Variants in ANKS1B observed in about 807,000 individuals in gnomAD.
The protein encoded by ANKS1B is ankyrin repeat and sterile alpha motif domain-containing protein 1B.
A neutral mutation model predicts 148.3 loss-of-function variants in ANKS1B; 36 were observed. That is an observed-to-expected ratio of 0.24 (90% CI 0.19 to 0.32). The LOEUF is 0.32. Ranked by LOEUF, ANKS1B falls within the 10% of genes least tolerant of loss-of-function variation. The pLI is 1.00. For synonymous variants in ANKS1B, 542 were observed against 560.8 expected, an observed-to-expected ratio of 0.97 and a Z score of 0.47; for missense variants, 1,157 against 1,542.6, an observed-to-expected ratio of 0.75 and a Z score of 4.19.
intron 25 of ANKS1B, among the ~76,000 whole-genome samples, chr12:98,754,832 T>C (rs572614513): frequency 6.6e-6 from 1 of 152,356 alleles, no homozygotes; most frequent in South Asian, 2.1e-4. Flanking sequence ...AGGAAACTGC[T>C]CAAATAAGAC....
chr12:99,741,798 G>A (rs1403661082), intron 8 of ANKS1B, among the ~76,000 whole-genome samples: 1 of 151,990 alleles, frequency 6.6e-6, no homozygotes, highest in African/African-American at 2.4e-5. Context: ...ATGTAGATGA[G>A]AGATTGATGG....
chr12:98,829,091 C>A lies in ANKS1B; in HGVS notation c.3066+83G>T. ...ATTCTAGTTAGGCACGGACAATAAGCATCCATAGGAAGCTACTGTTCACTA... is the reference window on the plus strand; with the variant it reads ...ATTCTAGTTAGGCACGGACAATAAGAATCCATAGGAAGCTACTGTTCACTA... On this transcript the variant is annotated intron_variant, in intron 19 of 26. Coordinates refer to ENST00000683438, the MANE Select transcript of ANKS1B (RefSeq NM_001352186.2). This position sits in a 1 kb window ranked among gnomAD's most constrained non-coding sequence, Gnocchi z 5.2. The A allele has an allele frequency of 5.4e-6, 8 of 1,478,998 alleles. No homozygotes were observed. Among genetic ancestry groups the A allele is most frequent in the Non-Finnish European group, 7.5e-6 (8 of 1,067,246 alleles). The allele number at this position is 1,478,998 out of a possible 1,614,324, so 91.6% of individuals were successfully genotyped here. A position where few individuals can be genotyped will look rare whatever the true frequency, so the allele number is the denominator to read the frequency against.
chr12:99,309,597 A>T (rs2154025054), intron 12 of ANKS1B, among the ~76,000 whole-genome samples: 1 of 152,226 alleles, frequency 6.6e-6, no homozygotes, highest in South Asian at 2.1e-4. Context: ...TTAGATAAAC[A>T]CACATACATC....
In ANKS1B at chr12:98,895,095, G is replaced by C. The variant is rs1020254982; in HGVS notation, c.2779-62959C>G. The C allele has an allele frequency of 5.9e-4, 582 of 980,984 alleles. 5 individuals are homozygous for C. The highest frequency in any genetic ancestry group is 5.2e-4 in the Middle Eastern group (1 of 1,926). 60.8% of individuals were successfully genotyped at this position (980,984 alleles called of 1,614,324 possible). On this transcript the variant is annotated intron_variant, in intron 17 of 26. Coordinates refer to ENST00000683438, the MANE Select transcript of ANKS1B (RefSeq NM_001352186.2). Reference sequence around the variant, plus strand: ...GCTGCCCGGGGTGGGCGGCGAGGCGGGGGGGAGGTGTCGGCTTGGCCGCCG... The same window carrying C: ...GCTGCCCGGGGTGGGCGGCGAGGCGCGGGGGAGGTGTCGGCTTGGCCGCCG...
At chr12:98,811,958 A>T (rs990727038) in intron 19 of ANKS1B, among the ~76,000 whole-genome samples, 1 of 152,328 alleles carries the variant, frequency 6.6e-6, no homozygotes, top group East Asian at 1.9e-4. Flanking sequence ...TCATTAAAAA[A>T]AATCATATAA....
chr12:98,914,824 C>T (rs2099791964), intron 17 of ANKS1B, among the ~76,000 whole-genome samples: 1 of 152,162 alleles, frequency 6.6e-6, no homozygotes, highest in Non-Finnish European at 1.5e-5. Flanking sequence ...TGAAGCTTTC[C>T]TTGACCACTC....
intron 14 of ANKS1B, among the ~76,000 whole-genome samples, chr12:99,226,808 T>TA (rs762374124): frequency 3.3e-5 from 5 of 152,168 alleles, no homozygotes; most frequent in Non-Finnish European, 7.3e-5. Flanking sequence ...CGGTGAGACG[T>TA]AAAAAAACTA....
chr12:98,832,228 C>G, intron 17 of ANKS1B, 92 bp from the exon 18 acceptor site: 1 of 997,046 alleles, frequency 1.0e-6, no homozygotes, highest in Non-Finnish European at 1.5e-6. Context: ...AAGATTTGTG[C>G]AAAGTTACTC....
chr12:99,817,098 T>C (rs191969073), intron 2 of ANKS1B, among the ~76,000 whole-genome samples: 1 of 151,764 alleles, frequency 6.6e-6, no homozygotes, highest in Admixed American at 6.6e-5. Context: ...CAGTCTACTG[T>C]ACTATCAAAC....
chr12:99,481,194 C>A (rs1314548038), intron 10 of ANKS1B, among the ~76,000 whole-genome samples: 1 of 151,648 alleles, frequency 6.6e-6, no homozygotes. Context: ...CTCTCACCCT[C>A]CTGCTTCTGA....
intron 3 of ANKS1B, among the ~76,000 whole-genome samples, 179 bp downstream of exon 3, chr12:99,811,976 A>G (rs1015226562): frequency 6.6e-6 from 1 of 151,904 alleles, no homozygotes; most frequent in Non-Finnish European, 1.5e-5. Flanking sequence ...CAAATGCCCA[A>G]CTTAGTCCCT....
intron 8 of ANKS1B, among the ~76,000 whole-genome samples, chr12:99,714,136 G>A (rs1039197337): frequency 2.6e-5 from 4 of 152,138 alleles, no homozygotes; most frequent in African/African-American, 7.2e-5. Context: ...TCAAAAGGCC[G>A]CCCGCATTCC....
chr12:99,271,359 T>C (rs1047141975), intron 12 of ANKS1B, among the ~76,000 whole-genome samples: 3 of 152,168 alleles, frequency 2.0e-5, no homozygotes, highest in African/African-American at 7.2e-5. Flanking sequence ...GGTTAGGTAC[T>C]ACTTCTTTGT....
chr12:99,426,404 ATTATC>A (rs1461261028), intron 11 of ANKS1B, among the ~76,000 whole-genome samples: 5 of 152,110 alleles, frequency 3.3e-5, no homozygotes, highest in Non-Finnish European at 4.4e-5. Context: ...TTTGAGAAAA[ATTATC>A]TTAAATAGTA....
intron 8 of ANKS1B, among the ~76,000 whole-genome samples, chr12:99,681,033 G>A (rs1383188532): frequency 6.6e-6 from 1 of 151,930 alleles, no homozygotes; most frequent in African/African-American, 2.4e-5. Context: ...CACCTAACCC[G>A]GCCTCCACTT....
rs1033652134 is a variant in ANKS1B at position 99,299,311 on chromosome 12, T to C, written c.1757-52447A>G. On this transcript the variant is annotated intron_variant, in intron 12 of 26. Coordinates refer to ENST00000683438, the MANE Select transcript of ANKS1B (RefSeq NM_001352186.2). ...CCTGGCCTGAAGCAATTCTTCTGCC[T>C]TAGCCTCCAAAGCACTGGAATTATA... is the stretch of plus-strand genomic sequence containing the variant. Among the ~76,000 whole-genome samples, 161 of 152,294 alleles carry C rather than the reference T, an allele frequency of 1.1e-3. 1 individual carries two copies. Among genetic ancestry groups the C allele is most frequent in the African/African-American group, 3.8e-3 (157 of 41,572 alleles).
rs113516974 is a variant in ANKS1B at position 98,858,523 on chromosome 12, A to G, written c.2779-26387T>C. Reference sequence around the variant, plus strand: ...ATGCCTGGCTGTTTGTATTTTTTGTAGAGATGGGGTTTCGTCATGTTGCCC... The same window carrying G: ...ATGCCTGGCTGTTTGTATTTTTTGTGGAGATGGGGTTTCGTCATGTTGCCC... On this transcript the variant is annotated intron_variant, in intron 17 of 26. Coordinates refer to ENST00000683438, the MANE Select transcript of ANKS1B (RefSeq NM_001352186.2). Among the ~76,000 whole-genome samples the G allele has an allele frequency of 4.0e-3, 616 of 152,184 alleles. 1 individual carries two copies. Among genetic ancestry groups the G allele is most frequent in the African/African-American group, 0.014 (601 of 41,532 alleles).
intron 17 of ANKS1B, among the ~76,000 whole-genome samples, chr12:98,883,478 C>G (rs1378286101): frequency 6.6e-6 from 1 of 152,182 alleles, no homozygotes; most frequent in Non-Finnish European, 1.5e-5. Context: ...TGTGAACAGA[C>G]AGAGCTGTGC....
intron 9 of ANKS1B, among the ~76,000 whole-genome samples, chr12:99,585,081 A>C (rs1228266412): frequency 1.3e-5 from 2 of 152,170 alleles, no homozygotes; most frequent in Non-Finnish European, 1.5e-5. Flanking sequence ...TTAACTCAAA[A>C]GTCCACAGTC....
Sources: gnomAD v4.1 joint callset for allele counts (sites outside exome capture counted in the v4.1 genomes callset) on GRCh38, gnomAD v4.1.1 for gene constraint, Gnocchi (gnomAD v3.1) non-coding constraint, MANE v1.5 for transcripts, NCBI Gene and HGNC (gene_info 2026-07-23, HGNC 2026-07-21) for gene names.